Variants in FBXL20 observed in about 807,000 individuals in gnomAD.
FBXL20 encodes F-box and leucine rich repeat protein 20, also known as F-box/LRR-repeat protein 20.
Under a neutral mutation model 64.0 loss-of-function variants are expected in FBXL20, and 11 were observed. The observed-to-expected ratio is 0.17, with a 90% CI of 0.11 to 0.28. The LOEUF (loss-of-function observed/expected upper bound fraction) is 0.28, where lower values mean the gene tolerates loss of function less well. Ranked by LOEUF, FBXL20 falls within the 10% of genes least tolerant of loss-of-function variation. FBXL20 has a pLI of 1.00. For synonymous variants in FBXL20, 184 were observed against 189.0 expected (o/e 0.97, Z 0.22); for missense variants, 303 against 526.2 (o/e 0.58, Z 4.15).
In FBXL20 at chr17:39,297,203, G is replaced by T; in HGVS notation, c.330-8C>A. On this transcript the variant is annotated splice_region_variant and splice_polypyrimidine_tract_variant and intron_variant, in intron 5 of 14. Transcript: ENST00000264658. ...CAGTTTTGTGCAAAGGTTCTTTGTA[G>T]GAAAGAAAGTAAGAGGTTTCAAATG... 1 of 1,599,592 alleles carries T rather than the reference G, an allele frequency of 6.3e-7. No individual in the cohort carries two copies. The highest frequency in any genetic ancestry group is 8.5e-7 in the Non-Finnish European group (1 of 1,169,882).
At chr17:39,302,781 A>G (rs1460958418) in intron 3 of FBXL20, among the ~76,000 whole-genome samples, 1 of 152,078 alleles carries the variant, frequency 6.6e-6, no homozygotes, top group Non-Finnish European at 1.5e-5. Context: ...AAATGAAGGG[A>G]TTATAGGTGT....
rs553749567 is a variant in FBXL20, at chr17:39,347,542, A to AT, written c.43-4302dup. 1.4e-3 allele frequency among the ~76,000 whole-genome samples: 212 copies of AT among 151,692 alleles called. 2 individuals carry two copies. The highest frequency in any genetic ancestry group is 4.6e-3 in the African/African-American group (191 of 41,350). ...GCCCACTTTTTGATGGGGTTGTTTG[A>AT]TTTTTTCTTGTAAATTTGTTTAAGT... On this transcript the variant is annotated intron_variant, in intron 1 of 14. Coordinates refer to ENST00000264658, the MANE Select transcript of FBXL20 (RefSeq NM_032875.3).
intron 10 of FBXL20, among the ~76,000 whole-genome samples, chr17:39,273,007 T>C (rs1290413050): frequency 6.6e-6 from 1 of 152,176 alleles, no homozygotes; most frequent in Non-Finnish European, 1.5e-5. Context: ...TATGTTCTCT[T>C]AAGAAATTTT....
Position 39,308,730 on chromosome 17 carries a change from T to G in FBXL20, c.105-5091A>C, listed in dbSNP as rs141792142. ...CAGGCGCCGAACCACCACGCCCGGC[T>G]AATTTTTTGTATTTTCAGTAGAGAC... On this transcript the variant is annotated intron_variant, in intron 2 of 14. Transcript: ENST00000264658. Among the ~76,000 whole-genome samples, 162 of 152,048 alleles carry G rather than the reference T, an allele frequency of 1.1e-3. No homozygotes were observed. In the East Asian group the frequency reaches 0.018, roughly 17 times the overall value.
At chr17:39,304,817 G>A (rs1423651718) in intron 2 of FBXL20, among the ~76,000 whole-genome samples, 5 of 151,594 alleles carry the variant, frequency 3.3e-5, no homozygotes, top group Admixed American at 1.3e-4. Context: ...AGACTCACCC[G>A]GCTGTCCAGG....
In FBXL20 at chr17:39,401,444, G is replaced by T. The variant is rs138388443; in HGVS notation, c.-42C>A. On this transcript the variant is annotated 5_prime_UTR_variant, in exon 1 of 15. Coordinates refer to ENST00000264658, the MANE Select transcript of FBXL20 (RefSeq NM_032875.3). Reference sequence around the variant, plus strand: ...GCCCGGGCCGGGCGCTGCGGCGAGCGGAGTGCACAGACCGGGGGCCCAGGA... The same window carrying T: ...GCCCGGGCCGGGCGCTGCGGCGAGCTGAGTGCACAGACCGGGGGCCCAGGA... The T allele has an allele frequency of 1.3e-6, 2 of 1,563,198 alleles. No homozygotes were observed. The highest frequency in any genetic ancestry group is 1.7e-6 in the Non-Finnish European group (2 of 1,155,756).
intron 12 of FBXL20, 40 bp from the exon 13 acceptor site, chr17:39,265,493 A>G: frequency 2.7e-6 from 4 of 1,455,318 alleles, no homozygotes; most frequent in East Asian, 2.3e-5. Context: ...GTATAATCCA[A>G]ATAAAATCCT....
intron 2 of FBXL20, among the ~76,000 whole-genome samples, chr17:39,337,354 C>T (rs919167608): frequency 2.0e-5 from 3 of 152,190 alleles, no homozygotes; most frequent in Non-Finnish European, 4.4e-5. Context: ...ACCTCCCAGC[C>T]GCCTGCCTTG....
chr17:39,309,847 GAAC>G (rs972509111), intron 2 of FBXL20, among the ~76,000 whole-genome samples: 169 of 149,790 alleles, frequency 1.1e-3, no homozygotes, highest in African/African-American at 3.5e-3. Context: ...AAAAGAAGAA[GAAC>G]AAGAAAAAAC....
intron 1 of FBXL20, among the ~76,000 whole-genome samples, chr17:39,355,116 A>G (rs2047723060): frequency 1.3e-5 from 2 of 152,164 alleles, no homozygotes; most frequent in Admixed American, 6.5e-5. Context: ...TTTTTAGTAG[A>G]GGCGGCATTT....
Position 39,376,234 on chromosome 17 carries a change from C to T in FBXL20, c.42+25127G>A, listed in dbSNP as rs532585233. Among the ~76,000 whole-genome samples the T allele has an allele frequency of 1.8e-4, 28 of 152,224 alleles. No homozygotes were observed. In the Middle Eastern group the frequency reaches 0.01, roughly 55 times the overall value. The stretch of plus-strand genomic sequence containing the variant: ...ATTTGTTTTAACCTGTCTGGTGCTC[C>T]CTGGAAAACCAGCTCAAAACGTTTG... On this transcript the variant is annotated intron_variant, in intron 1 of 14. Coordinates refer to ENST00000264658, the MANE Select transcript of FBXL20 (RefSeq NM_032875.3).
At chr17:39,306,243 T>C (rs944838676) in intron 2 of FBXL20, among the ~76,000 whole-genome samples, 1 of 151,304 alleles carries the variant, frequency 6.6e-6, no homozygotes, top group Non-Finnish European at 1.5e-5. Context: ...CTCAGCCTCT[T>C]GGGGTCACGT....
intron 2 of FBXL20, among the ~76,000 whole-genome samples, chr17:39,316,779 G>C (rs1441180744): frequency 6.6e-6 from 1 of 152,228 alleles, no homozygotes; most frequent in Admixed American, 6.5e-5. Context: ...CCTGAGGTCA[G>C]GAGTTCGAGA....
intron 1 of FBXL20, among the ~76,000 whole-genome samples, chr17:39,368,091 TAAG>T (rs1567898619): frequency 1.3e-5 from 2 of 152,150 alleles, no homozygotes; most frequent in Non-Finnish European, 2.9e-5. Context: ...GAAAGATTTT[TAAG>T]AATAGTATCC....
At chr17:39,402,380 C>A, upstream of FBXL20, 1 of 439,456 alleles carries the variant, frequency 2.3e-6, no homozygotes, top group Non-Finnish European at 3.8e-6. Context: ...ACGCTTGTCT[C>A]CCTGTGCATG....
At chr17:39,337,737 C>A (rs9659660) in intron 2 of FBXL20, among the ~76,000 whole-genome samples, 5 of 151,100 alleles carry the variant, frequency 3.3e-5, no homozygotes, top group Non-Finnish European at 5.9e-5. Context: ...AAGGGAGGAG[C>A]GTCTCCGACG....
chr17:39,336,957 C>T (rs2047528263), intron 2 of FBXL20, among the ~76,000 whole-genome samples: 2 of 151,070 alleles, frequency 1.3e-5, no homozygotes, highest in Admixed American at 1.3e-4. Flanking sequence ...TCTCCCTCTC[C>T]CTCCTCTCCC....
At chr17:39,279,857 A>G (rs1206060862) in intron 9 of FBXL20, among the ~76,000 whole-genome samples, 1 of 151,988 alleles carries the variant, frequency 6.6e-6, no homozygotes, top group African/African-American at 2.4e-5. Context: ...ACACCACCGC[A>G]TTCCAGCCTG....
intron 2 of FBXL20, among the ~76,000 whole-genome samples, chr17:39,338,096 G>C (rs890805489): frequency 6.9e-5 from 10 of 144,646 alleles, no homozygotes; most frequent in South Asian, 2.4e-4. Flanking sequence ...GGAATAGAAA[G>C]GGGGGAAAGG....
Sources: gnomAD v4.1 joint callset for allele counts (sites outside exome capture counted in the v4.1 genomes callset) on GRCh38, gnomAD v4.1.1 for gene constraint, MANE v1.5 for transcripts, NCBI Gene and HGNC (gene_info 2026-07-23, HGNC 2026-07-21) for gene names.